RHCE: variants seen among roughly 807,000 people sequenced by gnomAD.
RHCE encodes blood group Rh(CE) polypeptide.
A neutral mutation model predicts 43.8 loss-of-function variants in RHCE; 22 were observed. The observed-to-expected ratio is 0.50, with a 90% CI of 0.36 to 0.72. The LOEUF (loss-of-function observed/expected upper bound fraction) is 0.72, where lower values mean the gene tolerates loss of function less well. Ranked by LOEUF, RHCE falls within the 30% of genes least tolerant of loss-of-function variation. The pLI is 0.00. For missense variants in RHCE, 385 were observed against 525.4 expected (o/e 0.73, Z 2.61); for synonymous variants, 156 against 210.7 (o/e 0.74, Z 2.25).
intron 2 of RHCE, among the ~76,000 whole-genome samples, chr1:25,426,634 ATAGT>A (rs2042807141): frequency 1.3e-5 from 2 of 152,160 alleles, no homozygotes; most frequent in Non-Finnish European, 2.9e-5. Flanking sequence ...GGCGGCTGCC[ATAGT>A]TAGTGCTGTG....
At chr1:25,406,628 TG>T (rs1195593212) in intron 2 of RHCE, among the ~76,000 whole-genome samples, 1 of 93,402 alleles carries the variant, frequency 1.1e-5, no homozygotes, top group African/African-American at 3.7e-5. Context: ...CTGTTGTTTT[TG>T]GTTTTTTTTT....
At chr1:25,424,886 G>C (rs2042793728), upstream of RHCE, among the ~76,000 whole-genome samples, 2 of 151,706 alleles carry the variant, frequency 1.3e-5, no homozygotes, top group African/African-American at 4.8e-5. Context: ...GCACGATCTT[G>C]GCTCATTGCA....
intron 2 of RHCE, among the ~76,000 whole-genome samples, chr1:25,405,123 C>T (rs981868700): frequency 2.0e-5 from 3 of 151,838 alleles, no homozygotes; most frequent in African/African-American, 7.3e-5. Context: ...TTTTCGGAGC[C>T]GAGGTGGGCA....
rs113438706 is a variant in RHCE at position 25,393,777 on chromosome 1, A to C, written c.487-1636T>G. ...CCTCTCGGGCGTCACCTCCTATTGC[A>C]CTCCTCCACTTGCTCATCCTCAAAC... On this transcript the variant is annotated intron_variant, in intron 3 of 9. Transcript: ENST00000294413. 4.6e-3 allele frequency among the ~76,000 whole-genome samples: 694 copies of C among 151,398 alleles called. 4 individuals are homozygous for C. Among genetic ancestry groups the C allele is most frequent in the African/African-American group, 0.016 (654 of 41,178 alleles).
At chr1:25,420,854 G>A, upstream of RHCE, 2 of 1,564,446 alleles carry the variant, frequency 1.3e-6, no homozygotes, top group Non-Finnish European at 1.7e-6. Flanking sequence ...ACACCTACTT[G>A]AGGGCTTGAG....
In RHCE at chr1:25,371,855, A is replaced by G. The variant is rs1459592691; in HGVS notation, c.1154-1315T>C. Reference sequence around the variant, plus strand: ...ATGATCAGTTCCAGTGTCGTTAACAAGAATGGGTGAGTGCTTAGTGAGATT... The same window carrying G: ...ATGATCAGTTCCAGTGTCGTTAACAGGAATGGGTGAGTGCTTAGTGAGATT... On this transcript the variant is annotated intron_variant, in intron 8 of 9. Transcript: ENST00000294413. Among the ~76,000 whole-genome samples, 4 of 151,448 alleles carry G rather than the reference A, an allele frequency of 2.6e-5. No individual in the cohort carries two copies. In the South Asian group the frequency reaches 6.2e-4, roughly 24 times the overall value.
At chr1:25,414,877 G>C (rs897992370) in intron 1 of RHCE, among the ~76,000 whole-genome samples, 11 of 152,158 alleles carry the variant, frequency 7.2e-5, no homozygotes, top group African/African-American at 2.7e-4. Context: ...ACCCAGCCCA[G>C]TTGTTGCACC....
At chr1:25,385,964 C>G in intron 6 of RHCE, 120 bp from the exon 7 acceptor site, 1 of 1,427,860 alleles carries the variant, frequency 7.0e-7, no homozygotes. Flanking sequence ...AGGCTCACCT[C>G]AAAGAAGCCC....
At chr1:25,412,749 G>A (rs908182972) in intron 1 of RHCE, among the ~76,000 whole-genome samples, 1 of 150,034 alleles carries the variant, frequency 6.7e-6, no homozygotes, top group Non-Finnish European at 1.5e-5. Flanking sequence ...AAAAGGCCGG[G>A]CACAGTGGCT....
At position 25,362,295 on chromosome 1, in the gene RHCE, A is replaced by G; in HGVS notation, c.*232T>C. 1.1e-6 allele frequency: 1 copy of G among 930,974 alleles called. No homozygotes were observed. The highest frequency in any genetic ancestry group is 1.6e-6 in the Non-Finnish European group (1 of 625,752). The allele number at this position is 930,974 out of a possible 1,614,324, so 57.7% of individuals were successfully genotyped here. A position where few individuals can be genotyped will look rare whatever the true frequency, so the allele number is the denominator to read the frequency against. ...ATAATGTGTCTGTAACCAAGAAAAT[A>G]TTGATAGCATCATCCTAATGAAACT... On this transcript the variant is annotated 3_prime_UTR_variant, in exon 10 of 10. Coordinates refer to ENST00000294413, the MANE Select transcript of RHCE (RefSeq NM_020485.8).
chr1:25,416,985 G>A (rs1461117570), intron 1 of RHCE, among the ~76,000 whole-genome samples: 1 of 150,790 alleles, frequency 6.6e-6, no homozygotes, highest in African/African-American at 2.4e-5. Flanking sequence ...ACAGCACGAT[G>A]ACCCTACGTG....
intron 1 of RHCE, chr1:25,411,206 T>C (rs1647064640): frequency 1.8e-6 from 2 of 1,127,982 alleles, no homozygotes; most frequent in Non-Finnish European, 2.4e-6. Flanking sequence ...TAAGGGTAAT[T>C]AGAGCCACCT....
chr1:25,425,328 C>T (rs1032321316), upstream of RHCE, among the ~76,000 whole-genome samples: 3 of 152,198 alleles, frequency 2.0e-5, no homozygotes, highest in African/African-American at 7.2e-5. Context: ...ATCGGATCTT[C>T]CTCTCAAGCC....
upstream of RHCE, among the ~76,000 whole-genome samples, chr1:25,424,081 C>A (rs535426675): frequency 3.3e-5 from 5 of 152,288 alleles, no homozygotes; most frequent in South Asian, 1.0e-3. Flanking sequence ...GTACTCAGTA[C>A]ATTACATGAG....
At chr1:25,411,416 A>T in intron 1 of RHCE, 1 of 1,550,270 alleles carries the variant, frequency 6.5e-7, no homozygotes, top group Non-Finnish European at 8.7e-7. Context: ...GTCTCAGAAA[A>T]AGTCTTTGAT....
At chr1:25,373,467 C>T (rs1645676404) in intron 8 of RHCE, among the ~76,000 whole-genome samples, 1 of 151,788 alleles carries the variant, frequency 6.6e-6, no homozygotes, top group Admixed American at 6.6e-5. Context: ...AACTCTACTC[C>T]GCCTCTGCTT....
chr1:25,370,931 T>TTTTA lies in RHCE; in HGVS notation c.1154-392_1154-391insTAAA, dbSNP rs1339217601. Among the ~76,000 whole-genome samples, 13 of 148,506 alleles carry TTTTA rather than the reference T, an allele frequency of 8.8e-5. 1 individual carries two copies. The highest frequency in any genetic ancestry group is 1.3e-4 in the Admixed American group (2 of 14,908). ...ATCCAGCTAATTTTTTTTTTTTTTT[T>TTTTA]TTTTTAGTAGGATGGGGTTTCACCA... On this transcript the variant is annotated intron_variant, in intron 8 of 9. Transcript: ENST00000294413.
At chr1:25,381,165 C>G (rs572849437) in intron 7 of RHCE, among the ~76,000 whole-genome samples, 3 of 152,108 alleles carry the variant, frequency 2.0e-5, no homozygotes, top group Non-Finnish European at 2.9e-5. Flanking sequence ...CATGGGTGAC[C>G]TACGGATTTT....
rs373042258 is a variant in RHCE, at chr1:25,372,736, G to T, written c.1154-2196C>A. Among the ~76,000 whole-genome samples, 56 of 151,790 alleles carry T rather than the reference G, an allele frequency of 3.7e-4. 1 individual carries two copies. The highest frequency in any genetic ancestry group is 1.2e-3 in the African/African-American group (51 of 41,136). ...GCTCAATTAACAAGTTAAATGCTTG[G>T]CTTCTGGGAGTCCATTTGGTGCAAT... On this transcript the variant is annotated intron_variant, in intron 8 of 9. Coordinates refer to ENST00000294413, the MANE Select transcript of RHCE (RefSeq NM_020485.8).
Sources: gnomAD v4.1 joint callset for allele counts (sites outside exome capture counted in the v4.1 genomes callset) on GRCh38, gnomAD v4.1.1 for gene constraint, MANE v1.5 for transcripts, NCBI Gene and HGNC (gene_info 2026-07-23, HGNC 2026-07-21) for gene names.